CNTN1: variants seen among roughly 807,000 people sequenced by gnomAD.
The protein encoded by CNTN1 is contactin 1.
A neutral mutation model predicts 126.4 loss-of-function variants in CNTN1; 38 were observed. That is an observed-to-expected ratio of 0.30 (90% CI 0.23 to 0.39). The LOEUF (loss-of-function observed/expected upper bound fraction) is 0.39. Ranked by LOEUF, CNTN1 falls within the 10% of genes least tolerant of loss-of-function variation. The probability of loss-of-function intolerance (pLI) is 1.00; values close to 1 mark genes in which losing one functional copy is unlikely to be tolerated. For synonymous variants in CNTN1, 413 were observed against 422.6 expected (o/e 0.98, Z 0.28); for missense variants, 1,009 against 1,248.4 (o/e 0.81, Z 2.89).
intron 1 of CNTN1, among the ~76,000 whole-genome samples, chr12:40,793,703 C>G (rs1479822963): frequency 6.6e-6 from 1 of 151,994 alleles, no homozygotes; most frequent in Non-Finnish European, 1.5e-5. Context: ...TGTCTGCCAC[C>G]TGGAAAATAT....
chr12:41,046,947 C>G (rs1478061887), intron 23 of CNTN1, among the ~76,000 whole-genome samples: 4 of 150,734 alleles, frequency 2.7e-5, no homozygotes, highest in Non-Finnish European at 4.4e-5. Context: ...AAAACAACTG[C>G]CCTATATACC....
chr12:41,062,986 GC>G (rs2121117940), intron 23 of CNTN1, among the ~76,000 whole-genome samples: 1 of 152,240 alleles, frequency 6.6e-6, no homozygotes, highest in African/African-American at 2.4e-5. Flanking sequence ...CCAAAACAAA[GC>G]TCTTCACCAT....
intron 15 of CNTN1, among the ~76,000 whole-genome samples, chr12:40,971,016 AT>A (rs138103842): frequency 0.075 from 11,454 of 152,220 alleles, 678 homozygotes; most frequent in Admixed American, 0.18. Flanking sequence ...TTAACCGTTG[AT>A]TAACTTTTTC....
intron 17 of CNTN1, among the ~76,000 whole-genome samples, chr12:40,996,433 G>A (rs1948220748): frequency 6.6e-6 from 1 of 152,100 alleles, no homozygotes; most frequent in South Asian, 2.1e-4. Context: ...GGTCTGGCCT[G>A]AGTCTCACTT....
intron 15 of CNTN1, among the ~76,000 whole-genome samples, chr12:40,965,997 A>AG (rs1947293177): frequency 3.3e-5 from 4 of 119,902 alleles, no homozygotes; most frequent in African/African-American, 1.3e-4. Context: ...ACCTCATCAC[A>AG]CCACACACAC....
intron 1 of CNTN1, among the ~76,000 whole-genome samples, chr12:40,775,848 G>C (rs952487865): frequency 6.6e-6 from 1 of 151,560 alleles, no homozygotes; most frequent in Non-Finnish European, 1.5e-5. Flanking sequence ...CCAAAAACAA[G>C]TAAGCAAACA....
chr12:40,769,045 G>T lies in CNTN1; in HGVS notation c.-77+76453G>T, dbSNP rs998969878. On this transcript the variant is annotated intron_variant, in intron 1 of 23. Transcript: ENST00000551295. ...AGCATGAACCAATCATCCCAAAGCA[G>T]GGTCTACAGAAGGTCTGAGTGGGTA... Among the ~76,000 whole-genome samples the T allele has an allele frequency of 3.3e-5, 5 of 152,090 alleles. No individual in the cohort carries two copies. The East Asian group carries it at 9.6e-4, about 29-fold the overall frequency.
At chr12:40,901,551 G>T (rs1219590996) in intron 1 of CNTN1, among the ~76,000 whole-genome samples, 1 of 152,148 alleles carries the variant, frequency 6.6e-6, no homozygotes, top group African/African-American at 2.4e-5. Context: ...TGGAATGTTT[G>T]ATACTCTGGG....
intron 1 of CNTN1, among the ~76,000 whole-genome samples, chr12:40,904,113 G>T (rs558852827): frequency 7.6e-4 from 115 of 152,220 alleles, no homozygotes; most frequent in Non-Finnish European, 1.4e-3. Flanking sequence ...CCGCCTCCTG[G>T]GTTCACGCCA....
At chr12:40,926,071 C>G (rs984740429) in intron 6 of CNTN1, among the ~76,000 whole-genome samples, 9 of 151,296 alleles carry the variant, frequency 5.9e-5, no homozygotes, top group Admixed American at 1.3e-4. Context: ...TGGAGCAAAA[C>G]AGGAAAAGCT....
intron 23 of CNTN1, among the ~76,000 whole-genome samples, chr12:41,065,758 T>A (rs1950038591): frequency 6.6e-6 from 1 of 152,176 alleles, no homozygotes; most frequent in Non-Finnish European, 1.5e-5. Context: ...ATCCACTTGG[T>A]GAGGAGGTCA....
chr12:40,792,849 CA>C (rs995464130), intron 1 of CNTN1, among the ~76,000 whole-genome samples: 1 of 151,942 alleles, frequency 6.6e-6, no homozygotes, highest in African/African-American at 2.4e-5. Context: ...TGAAGGAAAC[CA>C]AAAATATTTC....
In CNTN1 at chr12:41,057,028, TA is replaced by T. The variant is rs1295562782; in HGVS notation, c.2981-12928del. On this transcript the variant is annotated intron_variant, in intron 23 of 23. Transcript: ENST00000551295. ...TTTAGATATTTATAAATGATATTTA[TA>T]AATATTATAAATATTTAGATATTTA... 2.3e-4 allele frequency among the ~76,000 whole-genome samples: 18 copies of T among 78,322 alleles called. 4 individuals are homozygous for T. Among genetic ancestry groups the T allele is most frequent in the African/African-American group, 1.0e-3 (17 of 16,584 alleles). The allele number at this position is 78,322 out of a possible 152,430, so 51.4% of individuals were successfully genotyped here.
intron 1 of CNTN1, among the ~76,000 whole-genome samples, chr12:40,795,319 A>ATT (rs369226167): frequency 3.5e-4 from 3 of 8,584 alleles, no homozygotes; most frequent in African/African-American, 5.5e-4. Context: ...ACACACACAC[A>ATT]TTTTTTTTTT....
chr12:40,713,027 A>G (rs2121172877), intron 1 of CNTN1, among the ~76,000 whole-genome samples: 1 of 152,242 alleles, frequency 6.6e-6, no homozygotes, highest in Non-Finnish European at 1.5e-5. Context: ...CTATAAAGGA[A>G]TACCAGAGGC....
At chr12:40,889,864 T>C (rs1255065815) in intron 1 of CNTN1, among the ~76,000 whole-genome samples, 1 of 152,140 alleles carries the variant, frequency 6.6e-6, no homozygotes, top group East Asian at 1.9e-4. Flanking sequence ...CTAAACCTCA[T>C]TTCTCGATGT....
At chr12:40,988,500 A>C (rs1416168700) in intron 16 of CNTN1, among the ~76,000 whole-genome samples, 3 of 152,146 alleles carry the variant, frequency 2.0e-5, no homozygotes, top group Non-Finnish European at 4.4e-5. Flanking sequence ...ACAATTAATC[A>C]GTGTGCTCTA....
At chr12:40,999,273 C>T (rs1345134494) in intron 17 of CNTN1, among the ~76,000 whole-genome samples, 1 of 152,088 alleles carries the variant, frequency 6.6e-6, no homozygotes, top group East Asian at 1.9e-4. Context: ...CTATTTTTAA[C>T]CGTTCACAGT....
intron 1 of CNTN1, among the ~76,000 whole-genome samples, chr12:40,843,447 A>G (rs1942369343): frequency 6.6e-6 from 1 of 152,170 alleles, no homozygotes; most frequent in Non-Finnish European, 1.5e-5. Context: ...ATTTTAAGTA[A>G]TATTTGCCAT....
Sources: gnomAD v4.1 joint callset for allele counts (sites outside exome capture counted in the v4.1 genomes callset) on GRCh38, gnomAD v4.1.1 for gene constraint, MANE v1.5 for transcripts, NCBI Gene and HGNC (gene_info 2026-07-23, HGNC 2026-07-21) for gene names.